Variants in GRIP1 observed in about 807,000 individuals in gnomAD.
GRIP1 encodes glutamate receptor-interacting protein 1.
Under a neutral mutation model 129.9 loss-of-function variants are expected in GRIP1, and 45 were observed. That is an observed-to-expected ratio of 0.35 (90% CI 0.27 to 0.44). The LOEUF is 0.44. Among genes scored for constraint, GRIP1 ranks in the 20% least tolerant of loss-of-function variants. The probability of loss-of-function intolerance (pLI) is 1.00; values close to 1 mark genes in which losing one functional copy is unlikely to be tolerated. For synonymous variants in GRIP1, 530 were observed against 520.8 expected, an observed-to-expected ratio of 1.02 and a Z score of -0.24; for missense variants, 1,196 against 1,396.8, an observed-to-expected ratio of 0.86 and a Z score of 2.29.
At chr12:66,749,991 G>A (rs1178743765) in intron 1 of GRIP1, among the ~76,000 whole-genome samples, 1 of 152,154 alleles carries the variant, frequency 6.6e-6, no homozygotes, top group Non-Finnish European at 1.5e-5. Context: ...ACCACTTGAG[G>A]TAATCTGTAC....
chr12:66,363,228 T>TATATATATATATATAA (rs1491023461), intron 23 of GRIP1, among the ~76,000 whole-genome samples: 1 of 124,608 alleles, frequency 8.0e-6, no homozygotes, highest in African/African-American at 2.9e-5. Context: ...TATATATATA[T>TATATATATATATATAA]AAAGTTTCTG....
intron 1 of GRIP1, among the ~76,000 whole-genome samples, chr12:66,842,749 A>G (rs2039743676): frequency 6.6e-6 from 1 of 152,182 alleles, no homozygotes; most frequent in Admixed American, 6.6e-5. Flanking sequence ...TGGATACTCA[A>G]TTGATGCTGA....
chr12:66,673,011 A>G (rs1414119667), intron 1 of GRIP1, among the ~76,000 whole-genome samples: 1 of 152,176 alleles, frequency 6.6e-6, no homozygotes, highest in Non-Finnish European at 1.5e-5. Flanking sequence ...TTCCCCTACC[A>G]TAAGGAATGC....
At chr12:66,461,547 C>T (rs1486010766) in intron 9 of GRIP1, among the ~76,000 whole-genome samples, 1 of 152,190 alleles carries the variant, frequency 6.6e-6, no homozygotes, top group Admixed American at 6.5e-5. Flanking sequence ...TACTGTGATG[C>T]TGATTTTCTT....
At chr12:66,559,696 C>T (rs11611371) in intron 2 of GRIP1, among the ~76,000 whole-genome samples, 35,113 of 152,012 alleles carry the variant, frequency 0.23, 4,336 homozygotes, top group Admixed American at 0.27. Context: ...TGGAAAGATA[C>T]TCCATGTTCA....
At chr12:66,973,838 TAAG>T (rs2042111094) in intron 1 of GRIP1, among the ~76,000 whole-genome samples, 1 of 151,942 alleles carries the variant, frequency 6.6e-6, no homozygotes, top group Non-Finnish European at 1.5e-5. Flanking sequence ...TAAAATTATA[TAAG>T]AAGACCCTTC....
In GRIP1 at chr12:66,566,637, T is replaced by C. The variant is rs568723983; in HGVS notation, c.137-24687A>G. Among the ~76,000 whole-genome samples the C allele has an allele frequency of 3.3e-5, 5 of 152,334 alleles. No homozygotes were observed. The East Asian group carries it at 9.6e-4, about 29-fold the overall frequency. ...TGGTATCAGGATGATGCTGGCCTCA[T>C]AAAATGAGTTAGGGAGGATTCCCTC... On this transcript the variant is annotated intron_variant, in intron 2 of 24. Transcript: ENST00000359742.
chr12:66,607,770 G>C lies in GRIP1; in HGVS notation c.56-10843C>G, dbSNP rs1187832825. ...GCAGAGTCACTGGGTAGACAGGCAT[G>C]AATTTTTTGCTAGACTTAAGAATTT... On this transcript the variant is annotated intron_variant, in intron 1 of 24. Transcript: ENST00000359742. 2.0e-5 allele frequency among the ~76,000 whole-genome samples: 3 copies of C among 152,272 alleles called. No homozygotes were observed. In the East Asian group the frequency reaches 5.8e-4, roughly 29 times the overall value.
intron 1 of GRIP1, among the ~76,000 whole-genome samples, chr12:66,983,480 T>C (rs1394653357): frequency 6.6e-6 from 1 of 152,196 alleles, no homozygotes; most frequent in African/African-American, 2.4e-5. Flanking sequence ...TAATTTTAAC[T>C]CTTAGCAATA....
intron 1 of GRIP1, among the ~76,000 whole-genome samples, chr12:66,785,874 G>C (rs1337025203): frequency 6.6e-6 from 1 of 151,956 alleles, no homozygotes; most frequent in Non-Finnish European, 1.5e-5. Context: ...TTGAGGCCAG[G>C]AGTTTGAGAC....
intron 2 of GRIP1, among the ~76,000 whole-genome samples, chr12:66,555,044 T>C (rs2062276000): frequency 6.6e-6 from 1 of 152,140 alleles, no homozygotes; most frequent in African/African-American, 2.4e-5. Flanking sequence ...TTCTAGGGCC[T>C]TGAGAAAACA....
intron 1 of GRIP1, among the ~76,000 whole-genome samples, chr12:67,039,018 AACACACACACACAC>A (rs10562551): frequency 2.0e-5 from 3 of 148,934 alleles, no homozygotes; most frequent in African/African-American, 5.0e-5. Context: ...ACAAATAATA[AACACACACACACAC>A]ACACACACAC....
chr12:66,411,458 C>T (rs983045909), intron 15 of GRIP1, among the ~76,000 whole-genome samples: 2 of 152,198 alleles, frequency 1.3e-5, no homozygotes, highest in Non-Finnish European at 2.9e-5. Context: ...AAAGACCCCA[C>T]AAAAACTCCA....
chr12:66,528,003 A>T (rs1186670929), intron 5 of GRIP1, among the ~76,000 whole-genome samples: 2 of 152,174 alleles, frequency 1.3e-5, no homozygotes, highest in Non-Finnish European at 2.9e-5. Flanking sequence ...CCTGATGTTT[A>T]TATAGCTCCC....
At chr12:66,908,331 G>A (rs1302823717) in intron 1 of GRIP1, among the ~76,000 whole-genome samples, 2 of 152,184 alleles carry the variant, frequency 1.3e-5, no homozygotes, top group Non-Finnish European at 2.9e-5. Flanking sequence ...GGCCTAGCCA[G>A]AGAACAGCAA....
intron 7 of GRIP1, among the ~76,000 whole-genome samples, chr12:66,501,091 C>T (rs1360951733): frequency 1.3e-5 from 2 of 152,266 alleles, no homozygotes; most frequent in South Asian, 2.1e-4. Context: ...GTGGGTGTTA[C>T]TGTATTGAGC....
rs193210048 is a variant in GRIP1, at chr12:66,461,289, C to T, written c.1042+1635G>A. Among the ~76,000 whole-genome samples the T allele has an allele frequency of 2.4e-3, 370 of 152,236 alleles. 3 individuals are homozygous for T. The highest frequency in any genetic ancestry group is 8.4e-3 in the African/African-American group (349 of 41,546). On this transcript the variant is annotated intron_variant, in intron 9 of 24. Transcript: ENST00000359742. ...TTTAAAAGGGTCTGGTATGCATTTC[C>T]GATTCGCTGATACCAGAATTTAGCA...
At chr12:66,896,689 A>G (rs2040755237) in intron 1 of GRIP1, among the ~76,000 whole-genome samples, 1 of 152,208 alleles carries the variant, frequency 6.6e-6, no homozygotes, top group Non-Finnish European at 1.5e-5. Flanking sequence ...TGAAGGGGTT[A>G]AAATACTGCT....
chr12:66,602,250 T>C (rs2064309423), intron 1 of GRIP1, among the ~76,000 whole-genome samples: 1 of 152,122 alleles, frequency 6.6e-6, no homozygotes, highest in Admixed American at 6.6e-5. Flanking sequence ...TCCAGTTCCA[T>C]TTGCTTCCCT....
Sources: allele counts gnomAD v4.1 joint callset (sites outside exome capture counted in the v4.1 genomes callset), GRCh38; gene constraint gnomAD v4.1.1; transcripts MANE v1.5; gene names NCBI Gene and HGNC (gene_info 2026-07-23, HGNC 2026-07-21).